KPNA4: variants seen among roughly 807,000 people sequenced by gnomAD.
KPNA4 encodes the protein importin subunit alpha-3.
KPNA4 carries 13 observed loss-of-function variants against 71.3 expected under a neutral mutation model. The ratio of observed to expected loss-of-function variants is 0.18; its 90% CI spans 0.12 to 0.29. The LOEUF (loss-of-function observed/expected upper bound fraction) is 0.29. KPNA4 is among the 10% of genes least tolerant of loss of function. The pLI, the probability that KPNA4 is intolerant of heterozygous loss-of-function variation, is 1.00. For synonymous variants in KPNA4, 189 were observed against 195.2 expected, an observed-to-expected ratio of 0.97 and a Z score of 0.26; for missense variants, 334 against 603.2, an observed-to-expected ratio of 0.55 and a Z score of 4.67.
At chr3:160,502,373 T>C (rs1157103003) in intron 16 of KPNA4, among the ~76,000 whole-genome samples, 171 bp from the exon 17 acceptor site, 1 of 151,996 alleles carries the variant, frequency 6.6e-6, no homozygotes, top group Admixed American at 6.6e-5. Context: ...GTTTTTTTTT[T>C]CTTTCTTTCT....
chr3:160,503,755 C>T (rs553068508), intron 16 of KPNA4, among the ~76,000 whole-genome samples: 1 of 152,074 alleles, frequency 6.6e-6, no homozygotes, highest in South Asian at 2.1e-4. Flanking sequence ...TTCAAAAATC[C>T]AACTTCAAGA....
intron 14 of KPNA4, among the ~76,000 whole-genome samples, 162 bp downstream of exon 14, chr3:160,509,638 C>T (rs1452437651): frequency 6.6e-6 from 1 of 152,104 alleles, no homozygotes; most frequent in Non-Finnish European, 1.5e-5. Flanking sequence ...CACTGTGTTG[C>T]CCAGGCCAGT....
intron 11 of KPNA4, among the ~76,000 whole-genome samples, chr3:160,519,500 A>C (rs1185465735): frequency 6.6e-6 from 1 of 151,744 alleles, no homozygotes; most frequent in Non-Finnish European, 1.5e-5. Context: ...TGGTTATGTT[A>C]AAAAAAATAG....
chr3:160,501,279 T>C lies in KPNA4; in HGVS notation c.*825A>G, dbSNP rs920155260. 5 of 43,488 alleles carry C rather than the reference T, an allele frequency of 1.1e-4. No individual in the cohort carries two copies. Among genetic ancestry groups the C allele is most frequent in the African/African-American group, 4.7e-4 (5 of 10,566 alleles). 2.7% of individuals were successfully genotyped at this position (43,488 alleles called of 1,614,324 possible). On this transcript the variant is annotated 3_prime_UTR_variant, in exon 17 of 17. Coordinates refer to ENST00000334256, the MANE Select transcript of KPNA4 (RefSeq NM_002268.5). ...CATACTAGGTAAAGTAAATAAAAAC[T>C]AAAAAAAAAGAAAAGAAAAGCAAAA...
chr3:160,526,954 A>G (rs560556536), intron 8 of KPNA4, among the ~76,000 whole-genome samples: 15 of 152,328 alleles, frequency 9.8e-5, no homozygotes, highest in African/African-American at 3.6e-4. Flanking sequence ...AAACAATAGC[A>G]TTCCTAATAG....
rs896348765 is a variant in KPNA4 at position 160,500,112 on chromosome 3, T to C, written c.*1992A>G. The C allele has an allele frequency of 6.6e-6, 1 of 151,782 alleles. No individual in the cohort carries two copies. Among genetic ancestry groups the C allele is most frequent in the Non-Finnish European group, 1.5e-5 (1 of 67,864 alleles). The allele number at this position is 151,782 out of a possible 1,614,324, so 9.4% of individuals were successfully genotyped here. ...GAAGCTAATGTAAGCCATTGAATTA[T>C]ACTCTAACTTTATAAAAAAAAAAAA... On this transcript the variant is annotated 3_prime_UTR_variant, in exon 17 of 17. Transcript: ENST00000334256.
chr3:160,551,410 T>G (rs1341227384), intron 1 of KPNA4, among the ~76,000 whole-genome samples: 1 of 152,228 alleles, frequency 6.6e-6, no homozygotes. Context: ...TATGAATTGA[T>G]GTGATTAGTG....
intron 1 of KPNA4, among the ~76,000 whole-genome samples, chr3:160,559,304 C>G (rs975195767): frequency 6.6e-6 from 1 of 152,082 alleles, no homozygotes; most frequent in Non-Finnish European, 1.5e-5. Context: ...TTGAGCTTCC[C>G]AGAGAAAGTT....
At chr3:160,525,246 C>T (rs983522774) in intron 10 of KPNA4, among the ~76,000 whole-genome samples, 6 of 152,088 alleles carry the variant, frequency 3.9e-5, no homozygotes, top group African/African-American at 1.2e-4. Context: ...GAAGCCACTG[C>T]CAGTCACTGT....
intron 1 of KPNA4, among the ~76,000 whole-genome samples, chr3:160,545,828 A>G (rs1489847747): frequency 6.6e-6 from 1 of 151,108 alleles, no homozygotes; most frequent in African/African-American, 2.4e-5. Flanking sequence ...TATTTTGAAG[A>G]CAGAACCTGC....
At chr3:160,525,267 T>C (rs897106402) in intron 10 of KPNA4, among the ~76,000 whole-genome samples, 5 of 152,162 alleles carry the variant, frequency 3.3e-5, no homozygotes, top group African/African-American at 4.8e-5. Flanking sequence ...AACTGAGAAA[T>C]AGAATAAAAA....
At chr3:160,515,973 C>G (rs1419283619) in intron 11 of KPNA4, among the ~76,000 whole-genome samples, 1 of 151,918 alleles carries the variant, frequency 6.6e-6, no homozygotes. Flanking sequence ...TGCATTCATT[C>G]ACTATTTCTT....
intron 13 of KPNA4, among the ~76,000 whole-genome samples, chr3:160,512,801 T>C (rs1246335482): frequency 6.6e-6 from 1 of 152,108 alleles, no homozygotes; most frequent in Admixed American, 6.5e-5. Flanking sequence ...CACTGCACTC[T>C]AGCCTGGGTG....
rs144648670 is a variant in KPNA4 at position 160,528,856 on chromosome 3, G to A, written c.470-817C>T. ...CAAATGATTCTTCTTCTTTCCTTCT[G>A]ATATTACTTTAAAAAGCACTATTTA... On this transcript the variant is annotated intron_variant, in intron 7 of 16. Coordinates refer to ENST00000334256, the MANE Select transcript of KPNA4 (RefSeq NM_002268.5). Among the ~76,000 whole-genome samples, 103 of 152,220 alleles carry A rather than the reference G, an allele frequency of 6.8e-4. No homozygotes were observed. In the East Asian group the frequency reaches 0.013, roughly 19 times the overall value.
intron 13 of KPNA4, among the ~76,000 whole-genome samples, chr3:160,510,962 AT>A (rs566230352): frequency 6.8e-6 from 1 of 147,620 alleles, no homozygotes. Context: ...TAGTTTTTGT[AT>A]TTTTTTTGGT....
chr3:160,502,932 G>A (rs1301799447), intron 16 of KPNA4, among the ~76,000 whole-genome samples: 2 of 152,006 alleles, frequency 1.3e-5, no homozygotes, highest in African/African-American at 2.4e-5. Context: ...CCAACGTGGC[G>A]AAACCCCATC....
intron 16 of KPNA4, among the ~76,000 whole-genome samples, chr3:160,504,078 A>G (rs1720936502): frequency 6.6e-6 from 1 of 152,226 alleles, no homozygotes; most frequent in Admixed American, 6.5e-5. Flanking sequence ...CTTTAAAAAA[A>G]GAAAGAAAGA....
rs571080004 is a variant in KPNA4 at position 160,499,293 on chromosome 3, G to A, written c.*2811C>T. On this transcript the variant is annotated 3_prime_UTR_variant, in exon 17 of 17. Coordinates refer to ENST00000334256, the MANE Select transcript of KPNA4 (RefSeq NM_002268.5). ...TTAAAGATAGATTTTAGACTAGGGCGTCTCACACACCCCTAATATAACATT... is the reference window on the plus strand; with the variant it reads ...TTAAAGATAGATTTTAGACTAGGGCATCTCACACACCCCTAATATAACATT... 3 of 152,052 alleles carry A rather than the reference G, an allele frequency of 2.0e-5. No homozygotes were observed. The highest frequency in any genetic ancestry group is 4.8e-5 in the African/African-American group (2 of 41,386). 9.4% of individuals were successfully genotyped at this position (152,052 alleles called of 1,614,324 possible).
chr3:160,518,734 A>T (rs942032123), intron 11 of KPNA4, among the ~76,000 whole-genome samples: 1 of 151,814 alleles, frequency 6.6e-6, no homozygotes. Context: ...GGTAGCAGGC[A>T]CCTGTAATCT....
Sources: gnomAD v4.1 joint callset for allele counts (sites outside exome capture counted in the v4.1 genomes callset) on GRCh38, gnomAD v4.1.1 for gene constraint, MANE v1.5 for transcripts, NCBI Gene and HGNC (gene_info 2026-07-23, HGNC 2026-07-21) for gene names.